Variants in TAFA1 observed in about 807,000 individuals in gnomAD.
The protein encoded by TAFA1 is TAFA chemokine like family member 1, also known as chemokine-like protein TAFA-1.
Under a neutral mutation model 18.5 loss-of-function variants are expected in TAFA1, and 4 were observed. That is an observed-to-expected ratio of 0.22 (90% CI 0.11 to 0.49). The LOEUF (loss-of-function observed/expected upper bound fraction) is 0.49, where lower values mean the gene tolerates loss of function less well. Among genes scored for constraint, TAFA1 ranks in the 20% least tolerant of loss-of-function variants. The probability of loss-of-function intolerance (pLI) is 0.98; values close to 1 mark genes in which losing one functional copy is unlikely to be tolerated. For missense variants in TAFA1, 147 were observed against 169.0 expected, an observed-to-expected ratio of 0.87 and a Z score of 0.72; for synonymous variants, 56 against 55.2, an observed-to-expected ratio of 1.01 and a Z score of -0.06.
intron 2 of TAFA1, among the ~76,000 whole-genome samples, chr3:68,215,748 G>A (rs1043722806): frequency 1.3e-5 from 2 of 152,080 alleles, no homozygotes; most frequent in Admixed American, 6.6e-5. Flanking sequence ...AAGACAGTTC[G>A]GCAGTTTCTT....
intron 2 of TAFA1, among the ~76,000 whole-genome samples, chr3:68,301,966 T>A (rs1200803525): frequency 6.6e-6 from 1 of 152,254 alleles, no homozygotes; most frequent in East Asian, 1.9e-4. Context: ...GGTAGATTTA[T>A]TCAGCTTTTT....
At chr3:68,349,964 T>G (rs538731572) in intron 2 of TAFA1, among the ~76,000 whole-genome samples, 73 of 152,254 alleles carry the variant, frequency 4.8e-4, no homozygotes, top group African/African-American at 1.7e-3. Flanking sequence ...CTACTCCCTA[T>G]GAACTCCCAA....
At chr3:68,458,891 CAG>C (rs2071719205) in intron 3 of TAFA1, among the ~76,000 whole-genome samples, 1 of 151,786 alleles carries the variant, frequency 6.6e-6, no homozygotes, top group Non-Finnish European at 1.5e-5. Context: ...CCCTGGGAAA[CAG>C]ACTCTAAAAC....
chr3:68,519,199 A>T (rs1329360898), intron 3 of TAFA1, among the ~76,000 whole-genome samples: 7 of 152,188 alleles, frequency 4.6e-5, no homozygotes, highest in Non-Finnish European at 1.0e-4. Flanking sequence ...ATGTGAGTGG[A>T]ATCCTCATGA....
intron 2 of TAFA1, among the ~76,000 whole-genome samples, chr3:68,325,876 G>GC (rs1349459317): frequency 6.6e-6 from 1 of 152,082 alleles, no homozygotes; most frequent in Non-Finnish European, 1.5e-5. Flanking sequence ...TAAATAATCT[G>GC]CCCAATGACG....
intron 2 of TAFA1, among the ~76,000 whole-genome samples, chr3:68,277,423 T>G (rs1449391776): frequency 6.6e-6 from 1 of 152,110 alleles, no homozygotes; most frequent in African/African-American, 2.4e-5. Context: ...CCATTGGTTC[T>G]AAGCTTGCAA....
At chr3:68,214,247 C>T (rs1010816577) in intron 2 of TAFA1, among the ~76,000 whole-genome samples, 3 of 152,066 alleles carry the variant, frequency 2.0e-5, no homozygotes, top group African/African-American at 7.2e-5. Flanking sequence ...TCATAGAATT[C>T]AGGCATTTCC....
At chr3:68,256,622 A>G (rs758308483) in intron 2 of TAFA1, among the ~76,000 whole-genome samples, 2 of 152,194 alleles carry the variant, frequency 1.3e-5, no homozygotes, top group Non-Finnish European at 1.5e-5. Flanking sequence ...AGTCTTGTAC[A>G]TAGTTTAATG....
At chr3:68,243,332 A>T (rs1462079698) in intron 2 of TAFA1, among the ~76,000 whole-genome samples, 1 of 151,734 alleles carries the variant, frequency 6.6e-6, no homozygotes, top group Non-Finnish European at 1.5e-5. Context: ...TTATACCTGT[A>T]CTCATTTGCA....
At chr3:68,467,106 G>T (rs1160502744) in intron 3 of TAFA1, among the ~76,000 whole-genome samples, 3 of 152,130 alleles carry the variant, frequency 2.0e-5, no homozygotes, top group African/African-American at 7.2e-5. Context: ...CGGCCCACAG[G>T]CAGCTAGACT....
At chr3:68,068,180 C>T (rs2064707121) in intron 2 of TAFA1, among the ~76,000 whole-genome samples, 1 of 152,122 alleles carries the variant, frequency 6.6e-6, no homozygotes, top group African/African-American at 2.4e-5. Flanking sequence ...AAGTTTCAAA[C>T]TGACCATTAG....
chr3:68,391,661 C>G (rs1446298090), intron 2 of TAFA1, among the ~76,000 whole-genome samples: 1 of 152,182 alleles, frequency 6.6e-6, no homozygotes, highest in Non-Finnish European at 1.5e-5. Context: ...CAGTGGATCT[C>G]TCTGCAGAAA....
At chr3:68,070,881 A>G (rs1162616173) in intron 2 of TAFA1, among the ~76,000 whole-genome samples, 2 of 152,214 alleles carry the variant, frequency 1.3e-5, no homozygotes, top group Admixed American at 1.3e-4. Flanking sequence ...TTTCCATCTG[A>G]TAACACCTTG....
chr3:68,114,602 C>T (rs1444791990), intron 2 of TAFA1, among the ~76,000 whole-genome samples: 3 of 152,292 alleles, frequency 2.0e-5, no homozygotes, highest in Admixed American at 6.5e-5. Flanking sequence ...TGAGCAACTT[C>T]GATTTTACAT....
chr3:68,075,696 C>T (rs1225371244), intron 2 of TAFA1, among the ~76,000 whole-genome samples: 6 of 134,324 alleles, frequency 4.5e-5, no homozygotes, highest in Non-Finnish European at 9.7e-5. Flanking sequence ...TTTCTTCTTT[C>T]CCTTTTTTTT....
intron 2 of TAFA1, among the ~76,000 whole-genome samples, chr3:68,209,658 A>G (rs948504213): frequency 6.6e-6 from 1 of 152,048 alleles, no homozygotes; most frequent in Non-Finnish European, 1.5e-5. Context: ...AATTGCAGTC[A>G]TAGGTTTTGC....
chr3:68,330,028 C>T (rs1157204316), intron 2 of TAFA1, among the ~76,000 whole-genome samples: 1 of 152,096 alleles, frequency 6.6e-6, no homozygotes, highest in African/African-American at 2.4e-5. Flanking sequence ...TGTCCAATTG[C>T]AGGGATAGCT....
At chr3:68,172,294 A>C (rs1026779339) in intron 2 of TAFA1, among the ~76,000 whole-genome samples, 77 of 152,270 alleles carry the variant, frequency 5.1e-4, no homozygotes, top group African/African-American at 1.8e-3. Context: ...GCATGTGAAA[A>C]ATGCTCAATA....
At chr3:68,182,637 C>A (rs2066219364) in intron 2 of TAFA1, among the ~76,000 whole-genome samples, 1 of 152,104 alleles carries the variant, frequency 6.6e-6, no homozygotes, top group Admixed American at 6.5e-5. Flanking sequence ...GTACTTAATG[C>A]ACAACACTCT....
Sources: allele counts gnomAD v4.1 joint callset (sites outside exome capture counted in the v4.1 genomes callset), GRCh38; gene constraint gnomAD v4.1.1; transcripts MANE v1.5; gene names NCBI Gene and HGNC (gene_info 2026-07-23, HGNC 2026-07-21).